The following BCAS3 variants were observed in gnomAD, a reference collection of about 807,000 sequenced individuals.
The protein encoded by BCAS3 is BCAS4/BCAS3 fusion.
A neutral mutation model predicts 116.1 loss-of-function variants in BCAS3; 53 were observed. That is an observed-to-expected ratio of 0.46 (90% CI 0.37 to 0.57). The LOEUF (loss-of-function observed/expected upper bound fraction) is 0.57. BCAS3 is among the 20% of genes least tolerant of loss of function. The pLI is 0.00. For synonymous variants in BCAS3, 391 were observed against 408.2 expected (o/e 0.96, Z 0.51); for missense variants, 917 against 1,165.4 (o/e 0.79, Z 3.10).
chr17:61,044,102 T>C (rs1057378897), intron 19 of BCAS3, among the ~76,000 whole-genome samples: 5 of 151,922 alleles, frequency 3.3e-5, no homozygotes, highest in African/African-American at 1.2e-4. Flanking sequence ...TATTAAAGCA[T>C]TTGGGGTCTT....
chr17:60,814,302 T>TGCGCGCGC (rs58998607), intron 7 of BCAS3, among the ~76,000 whole-genome samples: 75 of 138,842 alleles, frequency 5.4e-4, no homozygotes, highest in African/African-American at 1.9e-3. Flanking sequence ...TGTGTGTGTG[T>TGCGCGCGC]GTGTGCGCGC....
At chr17:60,720,907 C>G (rs2039164281) in intron 5 of BCAS3, among the ~76,000 whole-genome samples, 1 of 152,078 alleles carries the variant, frequency 6.6e-6, no homozygotes, top group South Asian at 2.1e-4. Context: ...TTTCTTGGAG[C>G]TGTGTATATG....
chr17:61,339,744 C>T lies in BCAS3; in HGVS notation c.2426-28583C>T, dbSNP rs375531007. ...TCGCGCCACTGTACTCCAGTCGGGG[C>T]GACAAAGCGAGACCCCATCTAAAAA... On this transcript the variant is annotated intron_variant, in intron 22 of 23. Transcript: ENST00000407086. The surrounding 1 kb of genome is among the most constrained non-coding windows in gnomAD (Gnocchi z 4.4). Among the ~76,000 whole-genome samples, 23 of 146,444 alleles carry T rather than the reference C, an allele frequency of 1.6e-4. No homozygotes were observed. The highest frequency in any genetic ancestry group is 5.3e-4 in the African/African-American group (21 of 39,304).
At position 61,180,654 on chromosome 17, in the gene BCAS3, G is replaced by A. The variant is rs1439645202; in HGVS notation, c.2425+96090G>A. The stretch of plus-strand genomic sequence containing the variant: ...ATGTGATGGCAGAAGCTTGCTACCT[G>A]TCTGAGGAGCATCAGTCCCATGCTT... On this transcript the variant is annotated intron_variant, in intron 22 of 23. Coordinates refer to ENST00000407086, the MANE Select transcript of BCAS3 (RefSeq NM_017679.5). This position sits in a 1 kb window ranked among gnomAD's most constrained non-coding sequence, Gnocchi z 6.0. 6.6e-6 allele frequency among the ~76,000 whole-genome samples: 1 copy of A among 152,234 alleles called. No individual in the cohort carries two copies. The highest frequency in any genetic ancestry group is 1.5e-5 in the Non-Finnish European group (1 of 68,050).
At chr17:60,860,172 C>CT (rs2054037643) in intron 7 of BCAS3, among the ~76,000 whole-genome samples, 5 of 152,192 alleles carry the variant, frequency 3.3e-5, no homozygotes, top group African/African-American at 9.6e-5. Flanking sequence ...TATTTTTTGG[C>CT]TTTTTAGTAA....
chr17:60,952,961 C>T (rs1308586725), intron 14 of BCAS3, among the ~76,000 whole-genome samples: 1 of 151,700 alleles, frequency 6.6e-6, no homozygotes, highest in Non-Finnish European at 1.5e-5. Context: ...TTTTTTATGA[C>T]TGCATAATAT....
At chr17:60,736,901 C>T (rs2041031955) in intron 5 of BCAS3, among the ~76,000 whole-genome samples, 1 of 115,758 alleles carries the variant, frequency 8.6e-6, no homozygotes. Context: ...TCCCTCCCTT[C>T]CTCCCTTCCT....
rs145468426 is a variant in BCAS3, at chr17:61,141,236, G to A, written c.2425+56672G>A. ...TTTACATTCATATGTAGGGCATTTGGTTGCTTAAATATTGAAACAATTATA... is the reference window on the plus strand; with the variant it reads ...TTTACATTCATATGTAGGGCATTTGATTGCTTAAATATTGAAACAATTATA... On this transcript the variant is annotated intron_variant, in intron 22 of 23. Transcript: ENST00000407086. The surrounding 1 kb of genome is among the most constrained non-coding windows in gnomAD (Gnocchi z 4.3). 3.2e-3 allele frequency among the ~76,000 whole-genome samples: 489 copies of A among 152,190 alleles called. 3 individuals carry two copies. The highest frequency in any genetic ancestry group is 0.011 in the African/African-American group (471 of 41,526).
In BCAS3 at chr17:60,700,927, C is replaced by T. The variant is rs181216151; in HGVS notation, c.215-8292C>T. ...AAAATAATGACAGTTGTGAATAACCCAATTAAGGAATTTAGCTTCTAGAAG... is the reference window on the plus strand; with the variant it reads ...AAAATAATGACAGTTGTGAATAACCTAATTAAGGAATTTAGCTTCTAGAAG... On this transcript the variant is annotated intron_variant, in intron 4 of 23. Coordinates refer to ENST00000407086, the MANE Select transcript of BCAS3 (RefSeq NM_017679.5). Among the ~76,000 whole-genome samples the T allele has an allele frequency of 3.1e-3, 479 of 152,080 alleles. 1 individual carries two copies. The highest frequency in any genetic ancestry group is 5.4e-3 in the Non-Finnish European group (366 of 67,990).
rs531658950 is a variant in BCAS3 at position 60,938,452 on chromosome 17, G to A, written c.1088-8767G>A. On this transcript the variant is annotated intron_variant, in intron 13 of 23. Transcript: ENST00000407086. ...CAACAAATGGTGCTAGAACAACTGC[G>A]GTATCTTTTGGTGGAAAAATAAATC... Among the ~76,000 whole-genome samples the A allele has an allele frequency of 5.9e-5, 9 of 152,058 alleles. No individual in the cohort carries two copies. The South Asian group carries it at 1.2e-3, about 21-fold the overall frequency.
rs769714195 is a variant in BCAS3 at position 60,747,286 on chromosome 17, G to A, written c.403+7G>A. On this transcript the variant is annotated splice_region_variant and intron_variant, in intron 6 of 23. Transcript: ENST00000407086. ...TTGCCTGCTCCACAGTTTGGTGAGT[G>A]TAGTCCTTAAGAAAAGAATCTTTCA... The A allele has an allele frequency of 1.9e-6, 3 of 1,600,526 alleles. No homozygotes were observed. Among genetic ancestry groups the A allele is most frequent in the South Asian group, 1.1e-5 (1 of 90,292 alleles).
chr17:61,218,055 A>T (rs1027925585), intron 22 of BCAS3, among the ~76,000 whole-genome samples: 2 of 152,220 alleles, frequency 1.3e-5, no homozygotes, highest in African/African-American at 4.8e-5. Context: ...TGGTTATTGT[A>T]TCACAATCTC....
In BCAS3 at chr17:61,026,853, CT is replaced by C; in HGVS notation, c.1638-7809del. ...TCTAATTTTTTGTGCATTTTTCCCC[CT>C]TTTCCATGAAGGCCTTATCTCTTTG... On this transcript the variant is annotated intron_variant, in intron 16 of 23. Coordinates refer to ENST00000407086, the MANE Select transcript of BCAS3 (RefSeq NM_017679.5). The surrounding 1 kb of genome is among the most constrained non-coding windows in gnomAD (Gnocchi z 5.0). The C allele has an allele frequency of 1.3e-6, 2 of 1,591,584 alleles. No individual in the cohort carries two copies. Among genetic ancestry groups the C allele is most frequent in the Non-Finnish European group, 8.6e-7 (1 of 1,167,426 alleles).
At chr17:60,847,871 A>G (rs913125779) in intron 7 of BCAS3, among the ~76,000 whole-genome samples, 4 of 151,484 alleles carry the variant, frequency 2.6e-5, no homozygotes, top group African/African-American at 9.8e-5. Flanking sequence ...CTGTTCATTC[A>G]TTTGTTGCTT....
intron 7 of BCAS3, among the ~76,000 whole-genome samples, chr17:60,856,858 AG>A (rs1345434229): frequency 6.6e-6 from 1 of 152,228 alleles, no homozygotes; most frequent in East Asian, 1.9e-4. Flanking sequence ...TTTCAATAAA[AG>A]AAGCATTTTT....
chr17:60,900,523 C>T (rs1438578010), intron 10 of BCAS3, among the ~76,000 whole-genome samples: 1 of 152,120 alleles, frequency 6.6e-6, no homozygotes, highest in Non-Finnish European at 1.5e-5. Flanking sequence ...TTTGGTGTTT[C>T]CTGTTAGTTC....
rs959796073 is a variant in BCAS3 at position 61,324,726 on chromosome 17, C to T, written c.2426-43601C>T. Among the ~76,000 whole-genome samples, 3 of 151,414 alleles carry T rather than the reference C, an allele frequency of 2.0e-5. No homozygotes were observed. Among genetic ancestry groups the T allele is most frequent in the Non-Finnish European group, 4.4e-5 (3 of 67,948 alleles). On this transcript the variant is annotated intron_variant, in intron 22 of 23. Transcript: ENST00000407086. This position sits in a 1 kb window ranked among gnomAD's most constrained non-coding sequence, Gnocchi z 4.6. ...TTATAAAATGGTATCCAGCCAGGCA[C>T]GGTAGCTCACTTCTATAATCTCAGA...
At position 61,276,667 on chromosome 17, in the gene BCAS3, T is replaced by C. The variant is rs2050782274; in HGVS notation, c.2426-91660T>C. ...TCAAAATGATCTCTATCAAAATCTCTATCAAATAAGCTGACTTATTTGCAG... is the reference window on the plus strand; with the variant it reads ...TCAAAATGATCTCTATCAAAATCTCCATCAAATAAGCTGACTTATTTGCAG... On this transcript the variant is annotated intron_variant, in intron 22 of 23. Transcript: ENST00000407086. This position sits in a 1 kb window ranked among gnomAD's most constrained non-coding sequence, Gnocchi z 4.2. Among the ~76,000 whole-genome samples, 1 of 152,176 alleles carries C rather than the reference T, an allele frequency of 6.6e-6. No homozygotes were observed. Among genetic ancestry groups the C allele is most frequent in the South Asian group, 2.1e-4 (1 of 4,832 alleles).
intron 22 of BCAS3, among the ~76,000 whole-genome samples, chr17:61,092,774 A>C (rs979847647): frequency 1.3e-5 from 2 of 152,076 alleles, no homozygotes; most frequent in African/African-American, 2.4e-5. Context: ...GTGCATTGCA[A>C]ATATTTTCTT....
Sources: allele counts gnomAD v4.1 joint callset (sites outside exome capture counted in the v4.1 genomes callset), GRCh38; gene constraint gnomAD v4.1.1; non-coding constraint Gnocchi (gnomAD v3.1); transcripts MANE v1.5; gene names NCBI Gene and HGNC (gene_info 2026-07-23, HGNC 2026-07-21).